ZKSCAN5: variants seen among roughly 807,000 people sequenced by gnomAD.
The protein encoded by ZKSCAN5 is zinc finger with KRAB and SCAN domains 5.
ZKSCAN5 carries 28 observed loss-of-function variants against 60.0 expected under a neutral mutation model. That is an observed-to-expected ratio of 0.47 (90% CI 0.35 to 0.64). The LOEUF (loss-of-function observed/expected upper bound fraction) is 0.64, where lower values mean the gene tolerates loss of function less well. ZKSCAN5 is among the 30% of genes least tolerant of loss of function. The pLI, the probability that ZKSCAN5 is intolerant of heterozygous loss-of-function variation, is 0.01. For synonymous variants in ZKSCAN5, 361 were observed against 371.2 expected (o/e 0.97, Z 0.31); for missense variants, 881 against 1,034.6 (o/e 0.85, Z 2.04).
At chr7:99,506,887 G>T (rs1355018993) in intron 2 of ZKSCAN5, among the ~76,000 whole-genome samples, 1 of 147,412 alleles carries the variant, frequency 6.8e-6, no homozygotes, top group Non-Finnish European at 1.5e-5. Flanking sequence ...TAGTAGAGAC[G>T]GGGTTTCACC....
In ZKSCAN5 at chr7:99,531,873, A is replaced by G. The variant is rs1802064788; in HGVS notation, c.2144A>G (p.Gln715Arg). Residue 715 changes from glutamine to arginine, a missense_variant, in exon 7 of 7, where the codon CAG becomes CGG. Physicochemically the swap from Gln to Arg is conservative, Grantham distance 43. Coordinates refer to ENST00000326775, the MANE Select transcript of ZKSCAN5 (RefSeq NM_145102.4). ...GACAAGAAGATTGAGTTACAAGAGC[A>G]GCCTTATCAGTGTGATATCTGTGGA... ...IEDKKIELQE[Q>R]PYQCDICGKA... 1 of 1,614,108 alleles carries G rather than the reference A, an allele frequency of 6.2e-7. No individual in the cohort carries two copies. The highest frequency in any genetic ancestry group is 1.3e-5 in the African/African-American group (1 of 74,944).
chr7:99,514,678 G>A (rs1361780393), intron 3 of ZKSCAN5, among the ~76,000 whole-genome samples: 5 of 152,068 alleles, frequency 3.3e-5, no homozygotes, highest in East Asian at 1.9e-4. Context: ...AGGCCAAGGC[G>A]GGCAGATCAC....
intron 6 of ZKSCAN5, among the ~76,000 whole-genome samples, chr7:99,529,611 T>G (rs1801953052): frequency 1.3e-5 from 2 of 152,254 alleles, no homozygotes; most frequent in African/African-American, 4.8e-5. Flanking sequence ...AAATGGCAGA[T>G]CTACTTCTGG....
intron 5 of ZKSCAN5, 93 bp from the exon 6 acceptor site, chr7:99,525,720 T>G (rs988133781): frequency 2.0e-5 from 29 of 1,483,782 alleles, no homozygotes; most frequent in Middle Eastern, 2.5e-4. Flanking sequence ...CATGGATCCC[T>G]AGCACATGTC....
rs148916942 is a variant in ZKSCAN5, at chr7:99,531,367, G to A, written c.1638G>A (p.Glu546=). ...PYVHKKSSTG[E]RPHKCNECGK... ...TCCACAAAAAATCCTCCACTGGAGA[G>A]AGACCACATAAATGTAACGAGTGTG... Residue 546 remains glutamate (E), a synonymous_variant, in exon 7 of 7, where the codon GAG becomes GAA. Coordinates refer to ENST00000326775, the MANE Select transcript of ZKSCAN5 (RefSeq NM_145102.4). 48 of 1,614,080 alleles carry A rather than the reference G, an allele frequency of 3.0e-5. No homozygotes were observed. In the Middle Eastern group the frequency reaches 4.9e-4, roughly 17 times the overall value.
At chr7:99,518,407 C>T (rs147733343) in intron 3 of ZKSCAN5, among the ~76,000 whole-genome samples, 9,121 of 150,886 alleles carry the variant, frequency 0.06, 618 homozygotes, top group East Asian at 0.3. Flanking sequence ...GGCCACAGAG[C>T]GAGACTCTGT....
intron 1 of ZKSCAN5, 78 bp from the exon 2 acceptor site, chr7:99,505,927 C>T: frequency 8.2e-7 from 1 of 1,216,958 alleles, no homozygotes; most frequent in Non-Finnish European, 1.1e-6. Flanking sequence ...AATAATGATG[C>T]CCAATACATC....
At chr7:99,507,563 G>A (rs1473544768) in intron 2 of ZKSCAN5, among the ~76,000 whole-genome samples, 11 of 141,306 alleles carry the variant, frequency 7.8e-5, no homozygotes, top group South Asian at 2.5e-4. Context: ...GTATATATAT[G>A]TGTATATATA....
rs1802126572 is a variant in ZKSCAN5 at position 99,533,112 on chromosome 7, C to T, written c.*863C>T. 7.5e-6 allele frequency: 3 copies of T among 401,858 alleles called. No homozygotes were observed. The highest frequency in any genetic ancestry group is 4.0e-5 in the African/African-American group (2 of 49,666). The allele number at this position is 401,858 out of a possible 1,614,324, so 24.9% of individuals were successfully genotyped here. On this transcript the variant is annotated 3_prime_UTR_variant, in exon 7 of 7. Transcript: ENST00000326775. ...AGCTAAACCCATAGAAGGAGTTGGA[C>T]CAAGGCGAATTACGAGTCCTGGTCC...
At chr7:99,507,344 T>C (rs1178997025) in intron 2 of ZKSCAN5, among the ~76,000 whole-genome samples, 1 of 152,046 alleles carries the variant, frequency 6.6e-6, no homozygotes, top group Non-Finnish European at 1.5e-5. Flanking sequence ...CTTGAGATTG[T>C]TTCTAAATTT....
At chr7:99,507,483 G>GTGTATA (rs1800796581) in intron 2 of ZKSCAN5, among the ~76,000 whole-genome samples, 1 of 128,100 alleles carries the variant, frequency 7.8e-6, no homozygotes, top group African/African-American at 3.2e-5. Context: ...GTATATATGT[G>GTGTATA]TATATATGTA....
chr7:99,516,187 A>T (rs1398723664), intron 3 of ZKSCAN5, among the ~76,000 whole-genome samples: 2 of 152,000 alleles, frequency 1.3e-5, no homozygotes, highest in Non-Finnish European at 2.9e-5. Context: ...CTAGGCACAG[A>T]CTGCTCCCTC....
chr7:99,519,426 C>G (rs1449280399), intron 3 of ZKSCAN5, among the ~76,000 whole-genome samples: 2 of 152,068 alleles, frequency 1.3e-5, no homozygotes, highest in African/African-American at 4.8e-5. Flanking sequence ...TACAGGCGTG[C>G]ATCACCACAT....
In ZKSCAN5 at chr7:99,534,614, G is replaced by A. The variant is rs1306919410; in HGVS notation, c.*2365G>A. The A allele has an allele frequency of 6.7e-6, 1 of 149,940 alleles. No individual in the cohort carries two copies. The highest frequency in any genetic ancestry group is 2.5e-5 in the African/African-American group (1 of 40,150). The allele number at this position is 149,940 out of a possible 1,614,324, so 9.3% of individuals were successfully genotyped here. A position where few individuals can be genotyped will look rare whatever the true frequency, so the allele number is the denominator to read the frequency against. On this transcript the variant is annotated 3_prime_UTR_variant, in exon 7 of 7. Coordinates refer to ENST00000326775, the MANE Select transcript of ZKSCAN5 (RefSeq NM_145102.4). ...AATCGCTTGAACCCGGGAGGCAGAG[G>A]TTGCAGTGAGCTGAGATCACGCCAC...
chr7:99,505,791 G>T, intron 1 of ZKSCAN5: 3 of 378,000 alleles, frequency 7.9e-6, no homozygotes, highest in Non-Finnish European at 9.8e-6. Flanking sequence ...TAAAATGTTG[G>T]GGTTATTCCT....
Position 99,516,858 on chromosome 7 carries a change from G to A in ZKSCAN5, c.554-2969G>A, listed in dbSNP as rs890106397. Among the ~76,000 whole-genome samples, 56 of 152,226 alleles carry A rather than the reference G, an allele frequency of 3.7e-4. 1 individual carries two copies. The highest frequency in any genetic ancestry group is 3.5e-3 in the Admixed American group (53 of 15,250). Reference sequence around the variant, plus strand: ...AGTGCTCCTGCCTCTATGGTCCCACGGGAACTTGGGTCACCTTTCGTCATG... The same window carrying A: ...AGTGCTCCTGCCTCTATGGTCCCACAGGAACTTGGGTCACCTTTCGTCATG... On this transcript the variant is annotated intron_variant, in intron 3 of 6. Coordinates refer to ENST00000326775, the MANE Select transcript of ZKSCAN5 (RefSeq NM_145102.4).
intron 2 of ZKSCAN5, among the ~76,000 whole-genome samples, chr7:99,509,523 G>A (rs1800922920): frequency 6.6e-6 from 1 of 150,984 alleles, no homozygotes; most frequent in Admixed American, 6.6e-5. Context: ...CTGGAGTGCA[G>A]TGGCGTGATC....
At chr7:99,518,492 G>A (rs1253299754) in intron 3 of ZKSCAN5, among the ~76,000 whole-genome samples, 2 of 151,834 alleles carry the variant, frequency 1.3e-5, no homozygotes, top group Non-Finnish European at 2.9e-5. Context: ...CTCACCCCAG[G>A]CCTTTTGAGT....
At chr7:99,525,407 G>A (rs1801730020) in intron 5 of ZKSCAN5, among the ~76,000 whole-genome samples, 1 of 152,006 alleles carries the variant, frequency 6.6e-6, no homozygotes, top group African/African-American at 2.4e-5. Flanking sequence ...AAGAGGTTGA[G>A]GATGCAGTGA....
Sources: gnomAD v4.1 joint callset for allele counts (sites outside exome capture counted in the v4.1 genomes callset) on GRCh38, gnomAD v4.1.1 for gene constraint, MANE v1.5 for transcripts, NCBI Gene and HGNC (gene_info 2026-07-23, HGNC 2026-07-21) for gene names.